Variants in PFKL observed in about 807,000 individuals in gnomAD.
The protein encoded by PFKL is phosphofructokinase, liver type.
A neutral mutation model predicts 92.1 loss-of-function variants in PFKL; 74 were observed. That is an observed-to-expected ratio of 0.80 (90% CI 0.67 to 0.97). The LOEUF (loss-of-function observed/expected upper bound fraction) is 0.97. Ranked by LOEUF, PFKL falls within the 50% of genes least tolerant of loss-of-function variation. The probability of loss-of-function intolerance (pLI) is 0.00; values close to 1 mark genes in which losing one functional copy is unlikely to be tolerated. For synonymous variants in PFKL, 494 were observed against 456.4 expected, an observed-to-expected ratio of 1.08 and a Z score of -1.05; for missense variants, 1,028 against 1,116.6, an observed-to-expected ratio of 0.92 and a Z score of 1.13.
At chr21:44,311,816 C>G (rs370473951) in intron 3 of PFKL, among the ~76,000 whole-genome samples, 14 of 152,286 alleles carry the variant, frequency 9.2e-5, no homozygotes, top group African/African-American at 2.9e-4. Flanking sequence ...GTGTGGCAAC[C>G]TATGCGTGTG....
chr21:44,305,231 T>C, intron 1 of PFKL: 2 of 1,288,028 alleles, frequency 1.6e-6, no homozygotes, highest in Non-Finnish European at 1.0e-6. Flanking sequence ...GTGAGAACAG[T>C]GTGCCGATCC....
At position 44,314,009 on chromosome 21, in the gene PFKL, G is replaced by A. The variant is rs1239881502; in HGVS notation, c.735G>A (p.Glu245=). 1.9e-6 allele frequency: 3 copies of A among 1,603,684 alleles called. No individual in the cohort carries two copies. The highest frequency in any genetic ancestry group is 2.6e-6 in the Non-Finnish European group (3 of 1,176,268). Residue 245 remains glutamate (E), a synonymous_variant, in exon 7 of 22, where the codon GAG becomes GAA. Transcript: ENST00000349048. ...PEDGWENFMC[E]RLGETRSRGS... ...ACGGCTGGGAGAACTTCATGTGTGA[G>A]AGGCTGGGTGAGGTGGGTGCCGTCC...
chr21:44,321,641 C>T (rs1206117513), intron 12 of PFKL, 88 bp from the exon 13 acceptor site: 7 of 1,389,546 alleles, frequency 5.0e-6, no homozygotes, highest in South Asian at 3.2e-5. Flanking sequence ...CCCCTTTTTC[C>T]AGAACCTGCC....
intron 3 of PFKL, among the ~76,000 whole-genome samples, chr21:44,311,425 T>C (rs1371505380): frequency 1.3e-5 from 2 of 151,142 alleles, no homozygotes; most frequent in Non-Finnish European, 2.9e-5. Flanking sequence ...CAGATACACA[T>C]GGATAGACAC....
intron 11 of PFKL, 174 bp from the exon 12 acceptor site, chr21:44,319,910 G>C (rs1485440743): frequency 3.3e-6 from 2 of 611,368 alleles, no homozygotes; most frequent in Middle Eastern, 4.5e-4. Context: ...TGGGGGTCTC[G>C]CACCTTCTGT....
At chr21:44,316,378 C>T (rs1023995186) in intron 8 of PFKL, 39 bp downstream of exon 8, 6 of 1,611,234 alleles carry the variant, frequency 3.7e-6, no homozygotes, top group Non-Finnish European at 5.1e-6. Context: ...GGCACCTGCT[C>T]CTCTAGGCCG....
intron 1 of PFKL, chr21:44,305,302 G>A (rs1176415528): frequency 2.9e-6 from 4 of 1,363,134 alleles, no homozygotes; most frequent in Admixed American, 3.8e-5. Flanking sequence ...TGAGCCCCAC[G>A]CCAAGCTGGA....
At position 44,321,802 on chromosome 21, in the gene PFKL, T is replaced by A; in HGVS notation, c.1265T>A (p.Val422Glu). The change falls in exon 13 of 22, where the codon GTG (valine) becomes GAG (glutamate). Residue 422 changes from valine (V) to glutamate (E), a missense_variant. Transcript: ENST00000349048. ...AGMNAAVRSAVRTGISHGHTV... is the reference protein window; with the variant it reads ...AGMNAAVRSAERTGISHGHTV... Reference sequence around the variant, plus strand: ...ATGAATGCGGCCGTGCGCTCGGCGGTGCGGACCGGCATCTCCCATGGACAC... The same window carrying A: ...ATGAATGCGGCCGTGCGCTCGGCGGAGCGGACCGGCATCTCCCATGGACAC... 3.1e-6 allele frequency: 5 copies of A among 1,602,364 alleles called. No individual in the cohort carries two copies. The highest frequency in any genetic ancestry group is 3.4e-6 in the Non-Finnish European group (4 of 1,174,650).
intron 12 of PFKL, 76 bp from the exon 13 acceptor site, chr21:44,321,653 G>T: frequency 1.4e-6 from 2 of 1,419,338 alleles, no homozygotes; most frequent in South Asian, 1.5e-5. Context: ...GAACCTGCCG[G>T]CCTGCTGACC....
At chr21:44,318,746 G>A (rs946807877) in intron 10 of PFKL, 151 bp downstream of exon 10, 1 of 551,060 alleles carries the variant, frequency 1.8e-6, no homozygotes, top group Non-Finnish European at 2.9e-6. Flanking sequence ...CTCCAGGGAG[G>A]GGAGGGATGT....
intron 1 of PFKL, among the ~76,000 whole-genome samples, chr21:44,304,982 T>G (rs1310166730): frequency 6.6e-6 from 1 of 152,176 alleles, no homozygotes; most frequent in Non-Finnish European, 1.5e-5. Flanking sequence ...CTCTGTGCTC[T>G]GCCCATTCTA....
In PFKL at chr21:44,318,577, C is replaced by T; in HGVS notation, c.1044C>T (p.Leu348=). 1 of 1,537,138 alleles carries T rather than the reference C, an allele frequency of 6.5e-7. No individual in the cohort carries two copies. Among genetic ancestry groups the T allele is most frequent in the Non-Finnish European group, 8.8e-7 (1 of 1,132,334 alleles). The change falls in exon 10 of 22, where the codon CTC becomes CTT. Residue 348 remains leucine, a synonymous_variant. Coordinates refer to ENST00000349048, the MANE Select transcript of PFKL (RefSeq NM_002626.6). ...LSGNQSVRLP[L]MECVQMTKEV... is the part of the protein sequence containing the mutation. ...GGAACCAGTCAGTGCGGCTGCCCCT[C>T]ATGGAGTGCGTGCAGATGGTAAGCC...
In PFKL at chr21:44,300,208, C is replaced by T. The variant is rs1317672872; in HGVS notation, c.85+18C>T. 4 of 1,075,040 alleles carry T rather than the reference C, an allele frequency of 3.7e-6. No individual in the cohort carries two copies. Among genetic ancestry groups the T allele is most frequent in the Non-Finnish European group, 4.5e-6 (4 of 887,824 alleles). The allele number at this position is 1,075,040 out of a possible 1,614,324, so 66.6% of individuals were successfully genotyped here. A position where few individuals can be genotyped will look rare whatever the true frequency, so the allele number is the denominator to read the frequency against. On this transcript the variant is annotated intron_variant, in intron 1 of 21. Transcript: ENST00000349048. ...CGCGCAAGGTGGGCGGGGGTCCCGG[C>T]CGCGTCGCGGCGCAGGGGGTGGAGG... is the stretch of plus-strand genomic sequence containing the variant.
rs763170911 is a variant in PFKL, at chr21:44,318,472, C to G, written c.939C>G (p.Ser313Arg). The G allele has an allele frequency of 1.3e-6, 2 of 1,542,006 alleles. No individual in the cohort carries two copies. Among genetic ancestry groups the G allele is most frequent in the Non-Finnish European group, 1.8e-6 (2 of 1,136,594 alleles). ...CCAGCCTGAACCCTTCCCCACAGAG[C>G]AGCAAGATGGGCATGGAGGCGGTGA... Reference protein sequence around the residue: ...GTPSAFDRILSSKMGMEAVMA... With the variant: ...GTPSAFDRILRSKMGMEAVMA... The change falls in exon 10 of 22, where the codon AGC becomes AGG. Residue 313 changes from serine to arginine, a missense_variant and splice_region_variant. Physicochemically the swap from Ser to Arg is moderately radical, Grantham distance 110. Coordinates refer to ENST00000349048, the MANE Select transcript of PFKL (RefSeq NM_002626.6).
At chr21:44,311,295 C>T (rs377415662) in intron 3 of PFKL, among the ~76,000 whole-genome samples, 43 of 150,854 alleles carry the variant, frequency 2.9e-4, no homozygotes, top group East Asian at 5.8e-4. Context: ...CACACAGGCG[C>T]GCACAGACAC....
At chr21:44,324,834 T>TC in intron 17 of PFKL, 22 bp from the exon 18 acceptor site, 1 of 1,602,746 alleles carries the variant, frequency 6.2e-7, no homozygotes. Context: ...CTCCGGCTCA[T>TC]CCGTGTCCGC....
At chr21:44,325,294 C>T (rs368985144) in intron 19 of PFKL, 30 bp downstream of exon 19, 2 of 1,407,276 alleles carry the variant, frequency 1.4e-6, no homozygotes, top group Admixed American at 1.7e-5. Flanking sequence ...CTCTGAGAGG[C>T]CTGCCCCTCT....
At chr21:44,304,690 G>T (rs533079812) in intron 1 of PFKL, among the ~76,000 whole-genome samples, 9 of 137,612 alleles carry the variant, frequency 6.5e-5, no homozygotes, top group South Asian at 4.9e-4. Context: ...TCAGCTGTCT[G>T]GGGGGGGCTC....
intron 14 of PFKL, 46 bp downstream of exon 14, chr21:44,322,249 C>G (rs1568967651): frequency 6.4e-7 from 1 of 1,556,578 alleles, no homozygotes; most frequent in Non-Finnish European, 8.7e-7. Flanking sequence ...GGCCAGGGCG[C>G]AGTATCCAGG....
Sources: allele counts gnomAD v4.1 joint callset (sites outside exome capture counted in the v4.1 genomes callset), GRCh38; gene constraint gnomAD v4.1.1; transcripts MANE v1.5; gene names NCBI Gene and HGNC (gene_info 2026-07-23, HGNC 2026-07-21).